PCYT1B: variants seen among roughly 807,000 people sequenced by gnomAD.
The protein encoded by PCYT1B is choline-phosphate cytidylyltransferase B.
In PCYT1B, 10 loss-of-function variants were observed where a neutral mutation model predicts 26.4. The ratio of observed to expected loss-of-function variants is 0.38; its 90% confidence interval spans 0.23 to 0.64. The LOEUF (loss-of-function observed/expected upper bound fraction) is 0.64, where lower values mean the gene tolerates loss of function less well. Ranked by LOEUF, PCYT1B falls within the 30% of genes least tolerant of loss-of-function variation. The pLI, the probability that PCYT1B is intolerant of heterozygous loss-of-function variation, is 0.56. For missense variants in PCYT1B, 161 were observed against 292.7 expected, an observed-to-expected ratio of 0.55 and a Z score of 3.28; for synonymous variants, 131 against 108.4, an observed-to-expected ratio of 1.21 and a Z score of -1.29.
intron 3 of PCYT1B, among the ~76,000 whole-genome samples, chrX:24,590,389 T>G (rs1924520127): frequency 8.9e-6 from 1 of 112,227 alleles, no homozygotes; most frequent in Non-Finnish European, 1.9e-5. Context: ...TAATGCTAAT[T>G]ACATCTGCAT....
intron 4 of PCYT1B, 42 bp downstream of exon 4, chrX:24,589,981 C>G (rs763730832): frequency 8.9e-7 from 1 of 1,119,977 alleles, no homozygotes; most frequent in South Asian, 2.0e-5. Flanking sequence ...AACCAGACTC[C>G]CTAATCTTGC....
intron 7 of PCYT1B, among the ~76,000 whole-genome samples, chrX:24,565,290 TCTC>T (rs1406314027): frequency 1.8e-5 from 2 of 111,442 alleles, no homozygotes; most frequent in African/African-American, 3.3e-5. Flanking sequence ...GAAAGCCAAT[TCTC>T]CTATTTACCA....
chrX:24,561,019 T>C lies in PCYT1B; in HGVS notation c.*1274A>G, dbSNP rs181727510. ...TACCTAGACCATTCAGATGCTGAGA[T>C]CATAACTGAGCCCACAGTTCTCTGT... On this transcript the variant is annotated 3_prime_UTR_variant, in exon 8 of 8. Coordinates refer to ENST00000379144, the MANE Select transcript of PCYT1B (RefSeq NM_004845.5). 8.9e-6 allele frequency: 1 copy of C among 112,480 alleles called. No individual in the cohort carries two copies. Among genetic ancestry groups the C allele is most frequent in the East Asian group, 2.8e-4 (1 of 3,595 alleles). 9.3% of individuals were successfully genotyped at this position (112,480 alleles called of 1,213,427 possible). A position where few individuals can be genotyped will look rare whatever the true frequency, so the allele number is the denominator to read the frequency against.
chrX:24,603,577 G>A (rs1202648405), intron 3 of PCYT1B, among the ~76,000 whole-genome samples: 1 of 110,455 alleles, frequency 9.1e-6, no homozygotes, highest in Non-Finnish European at 1.9e-5. Flanking sequence ...AGAAAAATTA[G>A]CCAGGCATGG....
intron 6 of PCYT1B, 64 bp from the exon 7 acceptor site, chrX:24,575,382 C>G: frequency 1.2e-6 from 1 of 851,981 alleles, no homozygotes; most frequent in Admixed American, 3.3e-5. Flanking sequence ...AGAGATCAAT[C>G]ATTCACATTA....
At chrX:24,615,628 C>T (rs1925464477) in intron 2 of PCYT1B, among the ~76,000 whole-genome samples, 1 of 111,064 alleles carries the variant, frequency 9.0e-6, no homozygotes, top group African/African-American at 3.3e-5. Flanking sequence ...CCACACCTGG[C>T]TAATTTTGTA....
intron 1 of PCYT1B, among the ~76,000 whole-genome samples, chrX:24,666,357 T>C (rs1485615493): frequency 3.6e-5 from 4 of 111,709 alleles, no homozygotes; most frequent in African/African-American, 1.3e-4. Flanking sequence ...AGAAGATATA[T>C]GTAAAGATAT....
chrX:24,593,685 C>T (rs1228019733), intron 3 of PCYT1B, among the ~76,000 whole-genome samples: 2 of 108,742 alleles, frequency 1.8e-5, no homozygotes, highest in Non-Finnish European at 3.8e-5. Flanking sequence ...TGCCACCACA[C>T]CTGGCTAATT....
chrX:24,615,504 G>A lies in PCYT1B; in HGVS notation c.217+3481C>T, dbSNP rs773013749. On this transcript the variant is annotated intron_variant, in intron 2 of 7. Coordinates refer to ENST00000379144, the MANE Select transcript of PCYT1B (RefSeq NM_004845.5). ...TTTGAGGTGAAGTTTCATTCTTGTCGCCCAGGCTGGAGTGCAGCGGCTCGA... is the reference window on the plus strand; with the variant it reads ...TTTGAGGTGAAGTTTCATTCTTGTCACCCAGGCTGGAGTGCAGCGGCTCGA... Among the ~76,000 whole-genome samples, 5 of 105,989 alleles carry A rather than the reference G, an allele frequency of 4.7e-5. No homozygotes were observed. In the East Asian group the frequency reaches 8.9e-4, roughly 19 times the overall value. The allele number at this position is 105,989 out of a possible 115,157, so 92.0% of individuals were successfully genotyped here.
intron 1 of PCYT1B, among the ~76,000 whole-genome samples, chrX:24,623,852 GCTGA>G (rs1925785336): frequency 1.8e-5 from 2 of 111,117 alleles, no homozygotes; most frequent in African/African-American, 3.3e-5. Context: ...AATGTACATC[GCTGA>G]CTGACAACTG....
upstream of PCYT1B, chrX:24,647,361 C>G: frequency 1.2e-6 from 1 of 804,028 alleles, no homozygotes; most frequent in African/African-American, 2.1e-5. Flanking sequence ...GCGGCTGGTG[C>G]GGGATACAGT....
At chrX:24,631,740 C>T (rs1397677802) in intron 1 of PCYT1B, among the ~76,000 whole-genome samples, 3 of 111,616 alleles carry the variant, frequency 2.7e-5, no homozygotes, top group Non-Finnish European at 3.8e-5. Flanking sequence ...CCAAGGCGGG[C>T]GGATCACCTG....
chrX:24,652,010 A>G (rs1182986817), upstream of PCYT1B, among the ~76,000 whole-genome samples: 1 of 111,094 alleles, frequency 9.0e-6, no homozygotes, highest in Non-Finnish European at 1.9e-5. Context: ...CTAAAGTCCT[A>G]TCTCCAGTTA....
chrX:24,614,813 C>T (rs899595991), intron 2 of PCYT1B, among the ~76,000 whole-genome samples: 3 of 111,897 alleles, frequency 2.7e-5, no homozygotes, highest in Admixed American at 1.9e-4. Context: ...AAAAATTCTC[C>T]GAGCTTTTCT....
At chrX:24,583,705 A>C (rs1924275493) in intron 5 of PCYT1B, among the ~76,000 whole-genome samples, 1 of 111,929 alleles carries the variant, frequency 8.9e-6, no homozygotes, top group Non-Finnish European at 1.9e-5. Flanking sequence ...GCTTATTCCT[A>C]TACACTATAA....
intron 1 of PCYT1B, among the ~76,000 whole-genome samples, chrX:24,668,085 C>T (rs751177837): frequency 8.9e-6 from 1 of 112,130 alleles, no homozygotes; most frequent in South Asian, 3.7e-4. Context: ...AATGCAAGTG[C>T]CATTCTTCTC....
intron 6 of PCYT1B, among the ~76,000 whole-genome samples, chrX:24,579,043 C>T (rs1924113899): frequency 9.1e-6 from 1 of 110,031 alleles, no homozygotes; most frequent in Non-Finnish European, 1.9e-5. Context: ...ATCCCAGCTA[C>T]TCAGGAGGCT....
Position 24,562,001 on chromosome X carries a change from T to C in PCYT1B, c.*292A>G. 2.1e-6 allele frequency: 2 copies of C among 973,284 alleles called. No individual in the cohort carries two copies. The highest frequency in any genetic ancestry group is 2.6e-4 in the Middle Eastern group (1 of 3,833). The allele number at this position is 973,284 out of a possible 1,213,427, so 80.2% of individuals were successfully genotyped here. On this transcript the variant is annotated 3_prime_UTR_variant, in exon 8 of 8. Coordinates refer to ENST00000379144, the MANE Select transcript of PCYT1B (RefSeq NM_004845.5). Reference sequence around the variant, plus strand: ...ACCAAAGCAGAAGTCACCCCATCAGTGCAAGTCTCTCTAGGGAACTCTGCA... The same window carrying C: ...ACCAAAGCAGAAGTCACCCCATCAGCGCAAGTCTCTCTAGGGAACTCTGCA...
intron 1 of PCYT1B, among the ~76,000 whole-genome samples, chrX:24,663,522 T>A (rs998468526): frequency 8.9e-6 from 1 of 112,732 alleles, no homozygotes. Flanking sequence ...TCTTGTTATC[T>A]GGACAAGTAA....
Sources: gnomAD v4.1 joint callset for allele counts (sites outside exome capture counted in the v4.1 genomes callset) on GRCh38, gnomAD v4.1.1 for gene constraint, MANE v1.5 for transcripts, NCBI Gene and HGNC (gene_info 2026-07-23, HGNC 2026-07-21) for gene names.